CDH18: variants seen among roughly 807,000 people sequenced by gnomAD.
CDH18 encodes cadherin-18.
CDH18 carries 31 observed loss-of-function variants against 67.9 expected under a neutral mutation model. That is an observed-to-expected ratio of 0.46 (90% CI 0.34 to 0.62). CDH18 has a LOEUF of 0.62. Among genes scored for constraint, CDH18 ranks in the 20% least tolerant of loss-of-function variants. The pLI, the probability that CDH18 is intolerant of heterozygous loss-of-function variation, is 0.01. For missense variants in CDH18, 890 were observed against 975.5 expected, an observed-to-expected ratio of 0.91 and a Z score of 1.17; for synonymous variants, 362 against 347.2, an observed-to-expected ratio of 1.04 and a Z score of -0.48.
At chr5:20,103,569 C>CA (rs139801417) in intron 2 of CDH18, among the ~76,000 whole-genome samples, 52,182 of 102,016 alleles carry the variant, frequency 0.51, 11,690 homozygotes, top group Middle Eastern at 0.68. Context: ...ACTAAAAATA[C>CA]AAAAAAAAAA....
intron 1 of CDH18, among the ~76,000 whole-genome samples, chr5:19,984,821 C>A (rs529955330): frequency 1.3e-5 from 2 of 152,126 alleles, no homozygotes; most frequent in African/African-American, 4.8e-5. Flanking sequence ...CAGTTCTTTT[C>A]CATTGTGCTA....
intron 9 of CDH18, among the ~76,000 whole-genome samples, chr5:19,523,001 CACAAA>C (rs1473557037): frequency 6.1e-5 from 9 of 148,752 alleles, no homozygotes; most frequent in Admixed American, 3.4e-4. Context: ...AGAACAGAAA[CACAAA>C]ACAGAACCCA....
At chr5:20,039,173 C>G (rs190341590) in intron 2 of CDH18, among the ~76,000 whole-genome samples, 1 of 152,074 alleles carries the variant, frequency 6.6e-6, no homozygotes, top group Non-Finnish European at 1.5e-5. Context: ...AACTACAAAC[C>G]ACTGCTCAAG....
chr5:19,979,430 T>C (rs1307179551), intron 2 of CDH18, among the ~76,000 whole-genome samples: 3 of 152,168 alleles, frequency 2.0e-5, no homozygotes, highest in Non-Finnish European at 4.4e-5. Context: ...ATGATTTACC[T>C]TGCACTTAAA....
chr5:19,642,040 C>G (rs1554067145), intron 5 of CDH18, among the ~76,000 whole-genome samples: 1 of 150,966 alleles, frequency 6.6e-6, no homozygotes, highest in Non-Finnish European at 1.5e-5. Context: ...TGTTGCTATA[C>G]AAAAACAATG....
chr5:20,418,272 T>TTTTTTTTTTA (rs1304599154), intron 1 of CDH18, among the ~76,000 whole-genome samples: 1 of 146,680 alleles, frequency 6.8e-6, no homozygotes, highest in Non-Finnish European at 1.5e-5. Context: ...TTTTTGTATT[T>TTTTTTTTTTA]TCAGTAGAGA....
chr5:19,938,535 T>C lies in CDH18; in HGVS notation c.-257+42525A>G, dbSNP rs560334642. On this transcript the variant is annotated intron_variant, in intron 2 of 12. Transcript: ENST00000382275. ...AAATATTACCAAAATAAATCACATA[T>C]GTCATCAGAAATTTCATGAATATGA... 2.0e-5 allele frequency among the ~76,000 whole-genome samples: 3 copies of C among 151,548 alleles called. No homozygotes were observed. The East Asian group carries it at 5.8e-4, about 29-fold the overall frequency.
intron 1 of CDH18, among the ~76,000 whole-genome samples, chr5:20,289,978 A>T (rs1201979679): frequency 6.6e-6 from 1 of 152,156 alleles, no homozygotes; most frequent in Non-Finnish European, 1.5e-5. Flanking sequence ...TGTAATTAAC[A>T]AATATAAATC....
intron 2 of CDH18, among the ~76,000 whole-genome samples, chr5:20,249,304 A>C (rs1743629284): frequency 6.6e-6 from 1 of 152,074 alleles, no homozygotes; most frequent in African/African-American, 2.4e-5. Context: ...TTTTAAATAA[A>C]TAAATTTTTT....
chr5:20,471,073 T>C (rs575883608), intron 1 of CDH18, among the ~76,000 whole-genome samples: 19 of 148,688 alleles, frequency 1.3e-4, no homozygotes, highest in African/African-American at 5.0e-4. Flanking sequence ...TGTGCTTCTC[T>C]ATCTCTCTTA....
At chr5:19,530,421 A>G (rs1467904064) in intron 9 of CDH18, among the ~76,000 whole-genome samples, 4 of 152,218 alleles carry the variant, frequency 2.6e-5, no homozygotes, top group Non-Finnish European at 5.9e-5. Flanking sequence ...AATAAATTGT[A>G]ATTTTCTTTT....
chr5:19,498,034 G>A (rs1400323001), intron 11 of CDH18, among the ~76,000 whole-genome samples: 2 of 152,168 alleles, frequency 1.3e-5, no homozygotes, highest in African/African-American at 4.8e-5. Context: ...ACCTTAAGGT[G>A]AAGAGGAGTG....
Position 19,760,635 on chromosome 5 carries a change from C to T in CDH18, c.229-13399G>A, listed in dbSNP as rs568185789. Among the ~76,000 whole-genome samples, 3 of 152,316 alleles carry T rather than the reference C, an allele frequency of 2.0e-5. No homozygotes were observed. In the South Asian group the frequency reaches 6.2e-4, roughly 32 times the overall value. On this transcript the variant is annotated intron_variant, in intron 3 of 12. Coordinates refer to ENST00000382275, the MANE Select transcript of CDH18 (RefSeq NM_004934.5). ...ATCCCACACCCTTAATATCCATCCCCATGCCTGTCCTCCAGATTTCTGTTT... is the reference window on the plus strand; with the variant it reads ...ATCCCACACCCTTAATATCCATCCCTATGCCTGTCCTCCAGATTTCTGTTT...
intron 2 of CDH18, among the ~76,000 whole-genome samples, chr5:20,091,457 T>A (rs1745414593): frequency 6.6e-6 from 1 of 152,150 alleles, no homozygotes; most frequent in African/African-American, 2.4e-5. Context: ...GGCTCCAGCC[T>A]GACTAATTGG....
intron 7 of CDH18, among the ~76,000 whole-genome samples, chr5:19,579,905 C>G (rs1024957652): frequency 1.3e-5 from 2 of 151,666 alleles, no homozygotes; most frequent in East Asian, 1.9e-4. Flanking sequence ...TCCACCCCCC[C>G]CAAAGAAATA....
intron 1 of CDH18, among the ~76,000 whole-genome samples, chr5:20,317,030 C>T (rs891345224): frequency 1.3e-4 from 19 of 151,914 alleles, no homozygotes; most frequent in African/African-American, 4.3e-4. Context: ...AGAATAAAAC[C>T]AAGGCTTATA....
intron 1 of CDH18, among the ~76,000 whole-genome samples, chr5:20,345,161 A>G (rs1468575000): frequency 6.6e-6 from 1 of 152,192 alleles, no homozygotes; most frequent in Non-Finnish European, 1.5e-5. Context: ...CATGGAGTCT[A>G]AATACTAATC....
intron 5 of CDH18, among the ~76,000 whole-genome samples, chr5:19,682,027 G>T (rs1057483377): frequency 6.6e-6 from 1 of 151,874 alleles, no homozygotes; most frequent in Non-Finnish European, 1.5e-5. Flanking sequence ...TCCTAGAAGA[G>T]GTGTAAAAGA....
chr5:20,335,845 C>T (rs1433145002), intron 1 of CDH18, among the ~76,000 whole-genome samples: 4 of 152,156 alleles, frequency 2.6e-5, no homozygotes, highest in African/African-American at 7.2e-5. Flanking sequence ...TGAACAAAGA[C>T]ATTAACACTA....
Sources: gnomAD v4.1 joint callset for allele counts (sites outside exome capture counted in the v4.1 genomes callset) on GRCh38, gnomAD v4.1.1 for gene constraint, MANE v1.5 for transcripts, NCBI Gene and HGNC (gene_info 2026-07-23, HGNC 2026-07-21) for gene names.